The following CLDN10 variants were observed in gnomAD, a reference collection of about 807,000 sequenced individuals.
CLDN10 encodes claudin 10, also known as claudin-10.
CLDN10 carries 15 observed loss-of-function variants against 22.9 expected under a neutral mutation model. That is an observed-to-expected ratio of 0.65 (90% CI 0.44 to 1.01). The LOEUF is 1.01. Ranked by LOEUF, CLDN10 falls within the 50% of genes least tolerant of loss-of-function variation. The pLI, the probability that CLDN10 is intolerant of heterozygous loss-of-function variation, is 0.00. For synonymous variants in CLDN10, 114 were observed against 111.4 expected (o/e 1.02, Z -0.15); for missense variants, 247 against 287.8 (o/e 0.86, Z 1.03).
chr13:95,537,610 T>C (rs1036234824), intron 1 of CLDN10, among the ~76,000 whole-genome samples: 1 of 152,184 alleles, frequency 6.6e-6, no homozygotes, highest in Non-Finnish European at 1.5e-5. Flanking sequence ...TTAACAGAAA[T>C]TCATTTAACC....
chr13:95,498,252 C>T (rs184787225), intron 1 of CLDN10, among the ~76,000 whole-genome samples: 198 of 152,306 alleles, frequency 1.3e-3, no homozygotes, highest in South Asian at 4.6e-3. Context: ...GGATCCACAA[C>T]GCCAAACTCC....
At chr13:95,570,586 T>G (rs1260887731) in intron 3 of CLDN10, among the ~76,000 whole-genome samples, 1 of 151,724 alleles carries the variant, frequency 6.6e-6, no homozygotes, top group Admixed American at 6.6e-5. Context: ...AGGAGAAGGG[T>G]GAGGTTTTGG....
chr13:95,442,655 C>G (rs561175890), intron 1 of CLDN10, among the ~76,000 whole-genome samples: 1 of 152,244 alleles, frequency 6.6e-6, no homozygotes, highest in East Asian at 1.9e-4. Flanking sequence ...TTTGGTATGC[C>G]GGGCAGCCAA....
chr13:95,536,407 C>T (rs2043400361), intron 1 of CLDN10, among the ~76,000 whole-genome samples: 1 of 152,092 alleles, frequency 6.6e-6, no homozygotes, highest in African/African-American at 2.4e-5. Flanking sequence ...CGAGATCACG[C>T]CACTGCACTC....
chr13:95,483,088 C>A (rs374621036), intron 1 of CLDN10, among the ~76,000 whole-genome samples: 2 of 152,196 alleles, frequency 1.3e-5, no homozygotes, highest in Non-Finnish European at 2.9e-5. Context: ...GAGAAAGTGA[C>A]GCTGCCCGTC....
At chr13:95,472,742 C>G (rs933646043) in intron 1 of CLDN10, among the ~76,000 whole-genome samples, 2 of 151,388 alleles carry the variant, frequency 1.3e-5, no homozygotes, top group African/African-American at 4.8e-5. Context: ...CAAAAGGGAG[C>G]TGATTCCCGT....
chr13:95,523,769 C>T (rs565608159), intron 1 of CLDN10, among the ~76,000 whole-genome samples: 8 of 152,210 alleles, frequency 5.3e-5, no homozygotes, highest in Non-Finnish European at 8.8e-5. Context: ...AGATATGTTA[C>T]GGCATGATTT....
chr13:95,500,587 G>A (rs1308358691), intron 1 of CLDN10, among the ~76,000 whole-genome samples: 1 of 152,144 alleles, frequency 6.6e-6, no homozygotes, highest in Non-Finnish European at 1.5e-5. Flanking sequence ...GAAGGTAAGG[G>A]AGGAGGTCTC....
intron 1 of CLDN10, among the ~76,000 whole-genome samples, chr13:95,498,621 C>T (rs1453980584): frequency 6.6e-6 from 1 of 152,188 alleles, no homozygotes; most frequent in Non-Finnish European, 1.5e-5. Context: ...TCTCAAACTC[C>T]TGGCCTTAAG....
chr13:95,499,671 G>T (rs979395716), intron 1 of CLDN10, among the ~76,000 whole-genome samples: 8 of 152,314 alleles, frequency 5.3e-5, no homozygotes, highest in African/African-American at 1.4e-4. Context: ...GAGGTGGAAG[G>T]TTCCCAGGAA....
chr13:95,563,209 G>GGGGAGAGAGA lies in CLDN10; in HGVS notation c.464+2747_464+2748insGGAGAGAGAG, dbSNP rs1476892851. 1.8e-3 allele frequency among the ~76,000 whole-genome samples: 272 copies of GGGGAGAGAGA among 147,648 alleles called. 2 individuals carry two copies. Among genetic ancestry groups the GGGGAGAGAGA allele is most frequent in the African/African-American group, 6.5e-3 (262 of 40,124 alleles). ...CAGAATTGCTGTGAGAGTTAAGAGA[G>GGGGAGAGAGA]GAGAGAGAGAGAGAGAGAGAGAGAG... On this transcript the variant is annotated intron_variant, in intron 3 of 4. Coordinates refer to ENST00000299339, the MANE Select transcript of CLDN10 (RefSeq NM_006984.5).
At chr13:95,573,267 C>T (rs1454985875) in intron 3 of CLDN10, among the ~76,000 whole-genome samples, 1 of 152,212 alleles carries the variant, frequency 6.6e-6, no homozygotes, top group African/African-American at 2.4e-5. Flanking sequence ...TTTGATTAGT[C>T]CATCACCAAG....
At chr13:95,445,235 C>T (rs2042361799) in intron 1 of CLDN10, among the ~76,000 whole-genome samples, 1 of 152,192 alleles carries the variant, frequency 6.6e-6, no homozygotes. Context: ...GAACAGGAAG[C>T]ACATAATTGG....
At chr13:95,462,107 T>TAAAC (rs951319875) in intron 1 of CLDN10, among the ~76,000 whole-genome samples, 9 of 152,002 alleles carry the variant, frequency 5.9e-5, no homozygotes, top group African/African-American at 2.2e-4. Flanking sequence ...AAAATAAAAA[T>TAAAC]AAACACTTTA....
At chr13:95,530,474 G>A (rs989792012) in intron 1 of CLDN10, among the ~76,000 whole-genome samples, 6 of 152,172 alleles carry the variant, frequency 3.9e-5, no homozygotes, top group Admixed American at 3.9e-4. Flanking sequence ...GCCCAGGAAA[G>A]GCTGCCAAGA....
intron 3 of CLDN10, among the ~76,000 whole-genome samples, chr13:95,562,991 T>C (rs2043734911): frequency 6.6e-6 from 1 of 152,198 alleles, no homozygotes; most frequent in Admixed American, 6.5e-5. Flanking sequence ...GTTCAGTAAT[T>C]AGGTGCTATG....
At chr13:95,540,330 A>G (rs992372144) in intron 1 of CLDN10, among the ~76,000 whole-genome samples, 2 of 151,052 alleles carry the variant, frequency 1.3e-5, no homozygotes, top group Non-Finnish European at 3.0e-5. Flanking sequence ...ATAAATAAAT[A>G]AATAAATAAA....
chr13:95,568,954 G>C (rs1335416793), intron 3 of CLDN10, among the ~76,000 whole-genome samples: 1 of 152,072 alleles, frequency 6.6e-6, no homozygotes, highest in African/African-American at 2.4e-5. Context: ...CTTTGAAGAA[G>C]TTACTTACCC....
At chr13:95,572,050 C>T (rs939860815) in intron 3 of CLDN10, among the ~76,000 whole-genome samples, 3 of 152,074 alleles carry the variant, frequency 2.0e-5, no homozygotes, top group African/African-American at 2.4e-5. Flanking sequence ...TTGTTAAAAC[C>T]GATCTTGCTT....
Sources: allele counts gnomAD v4.1 joint callset (sites outside exome capture counted in the v4.1 genomes callset), GRCh38; gene constraint gnomAD v4.1.1; transcripts MANE v1.5; gene names NCBI Gene and HGNC (gene_info 2026-07-23, HGNC 2026-07-21).